RTCA: variants seen among roughly 807,000 people sequenced by gnomAD.
The protein encoded by RTCA is RNA 3'-terminal phosphate cyclase.
Under a neutral mutation model 46.1 loss-of-function variants are expected in RTCA, and 37 were observed. The ratio of observed to expected loss-of-function variants is 0.80; its 90% CI spans 0.62 to 1.06. The LOEUF is 1.06. RTCA is among the 50% of genes least tolerant of loss of function. The probability of loss-of-function intolerance (pLI) is 0.00; values close to 1 mark genes in which losing one functional copy is unlikely to be tolerated. For missense variants in RTCA, 435 were observed against 455.5 expected (o/e 0.95, Z 0.41); for synonymous variants, 164 against 158.3 (o/e 1.04, Z -0.27).
At chr1:100,266,445 G>A (rs367850385) in intron 1 of RTCA, 25 bp downstream of exon 1, 5 of 1,609,146 alleles carry the variant, frequency 3.1e-6, no homozygotes, top group Non-Finnish European at 3.4e-6. Context: ...AAGCGGCCGG[G>A]GCTGCAGCCT....
Position 100,270,571 on chromosome 1 carries a change from T to C in RTCA, c.305T>C (p.Leu102Ser). 6.2e-7 allele frequency: 1 copy of C among 1,614,046 alleles called. No homozygotes were observed. The highest frequency in any genetic ancestry group is 2.2e-5 in the East Asian group (1 of 44,876). ...DTKTAGSVCL[L>S]MQVSMPCVLF... ...CTTCTCCTTAGGAGTGTGTGCCTCT[T>C]GATGCAGGTCTCAATGCCGTGTGTT... The change falls in exon 4 of 11, where the codon TTG (leucine) becomes TCG (serine). Residue 102 changes from leucine to serine, a missense_variant. Physicochemically the swap from Leu to Ser is moderately radical, Grantham distance 145. Transcript: ENST00000370128.
At chr1:100,277,835 C>T (rs1666481777) in intron 8 of RTCA, among the ~76,000 whole-genome samples, 1 of 150,798 alleles carries the variant, frequency 6.6e-6, no homozygotes, top group South Asian at 2.1e-4. Flanking sequence ...TTTCTCAAGT[C>T]TCTTTAGTCC....
intron 8 of RTCA, among the ~76,000 whole-genome samples, chr1:100,278,454 T>C (rs751607965): frequency 1.3e-5 from 2 of 152,222 alleles, no homozygotes; most frequent in Non-Finnish European, 2.9e-5. Flanking sequence ...ATTGCTTTAT[T>C]CCTACTTTGT....
chr1:100,277,376 C>G, intron 8 of RTCA, 60 bp downstream of exon 8: 4 of 1,405,030 alleles, frequency 2.8e-6, no homozygotes, highest in Non-Finnish European at 2.0e-6. Flanking sequence ...TTTAATCCAT[C>G]AGGATTGGAA....
chr1:100,266,735 G>A (rs1665801018), intron 2 of RTCA, 111 bp downstream of exon 2: 10 of 866,322 alleles, frequency 1.2e-5, no homozygotes, highest in Non-Finnish European at 1.6e-5. Context: ...GGTCCCAGAC[G>A]CAGGTATGGG....
intron 8 of RTCA, among the ~76,000 whole-genome samples, chr1:100,283,754 TA>T (rs1341875076): frequency 6.6e-6 from 1 of 151,630 alleles, no homozygotes; most frequent in Non-Finnish European, 1.5e-5. Context: ...ATTGATAATA[TA>T]AAGAGGGTAA....
intron 8 of RTCA, among the ~76,000 whole-genome samples, chr1:100,284,423 C>G (rs1483623128): frequency 6.7e-6 from 1 of 148,162 alleles, no homozygotes; most frequent in Non-Finnish European, 1.5e-5. Context: ...TGGCAGAGTC[C>G]TGCTCTGTCA....
chr1:100,269,098 A>G (rs945147945), intron 3 of RTCA, among the ~76,000 whole-genome samples: 1 of 151,498 alleles, frequency 6.6e-6, no homozygotes, highest in African/African-American at 2.4e-5. Context: ...AGTCCCATCT[A>G]CTTGAGAAGC....
chr1:100,282,763 A>C (rs1187883988), intron 8 of RTCA, among the ~76,000 whole-genome samples: 1 of 152,222 alleles, frequency 6.6e-6, no homozygotes, highest in Non-Finnish European at 1.5e-5. Flanking sequence ...GTTGCCTTCA[A>C]GCTATGTGTG....
At chr1:100,278,036 C>T (rs554954485) in intron 8 of RTCA, among the ~76,000 whole-genome samples, 3 of 152,184 alleles carry the variant, frequency 2.0e-5, no homozygotes, top group African/African-American at 2.4e-5. Context: ...GTACATTCCA[C>T]TGTATCACGG....
chr1:100,266,674 G>T (rs570134524), intron 2 of RTCA, 50 bp downstream of exon 2: 2 of 1,492,054 alleles, frequency 1.3e-6, no homozygotes, highest in African/African-American at 2.8e-5. Flanking sequence ...GGGATCGGGG[G>T]GTCGGGCTGC....
chr1:100,266,274 T>G lies in RTCA; in HGVS notation c.-102T>G. The G allele has an allele frequency of 1.4e-6, 2 of 1,447,022 alleles. No homozygotes were observed. The highest frequency in any genetic ancestry group is 1.2e-5 in the South Asian group (1 of 80,918). The allele number at this position is 1,447,022 out of a possible 1,614,324, so 89.6% of individuals were successfully genotyped here. A position where few individuals can be genotyped will look rare whatever the true frequency, so the allele number is the denominator to read the frequency against. ...TCGTCAGGCTCCTGCGCCCCAGGCA[T>G]GAACCAAGGTTTCTGAACTACTGGG... is the stretch of plus-strand genomic sequence containing the variant. On this transcript the variant is annotated 5_prime_UTR_variant, in exon 1 of 11. It removes an upstream start codon present in the reference 5' UTR. Transcript: ENST00000370128.
intron 7 of RTCA, among the ~76,000 whole-genome samples, chr1:100,276,043 G>T (rs562362685): frequency 6.6e-6 from 1 of 151,938 alleles, no homozygotes; most frequent in East Asian, 2.0e-4. Flanking sequence ...CACCGTGTTA[G>T]CCAGGGTGGT....
At chr1:100,290,825 A>G (rs1414030501) in intron 10 of RTCA, among the ~76,000 whole-genome samples, 1 of 152,168 alleles carries the variant, frequency 6.6e-6, no homozygotes, top group African/African-American at 2.4e-5. Flanking sequence ...TTCAAAGCCA[A>G]CTTTAGTTAC....
Position 100,291,600 on chromosome 1 carries a change from A to C in RTCA, c.*96A>C. ...AGGAAGTAACTTATTAAAGGCTATG[A>C]CTTAAATTTGAAGATGAAGTACAGT... On this transcript the variant is annotated 3_prime_UTR_variant, in exon 11 of 11. Transcript: ENST00000370128. 3.9e-6 allele frequency: 3 copies of C among 776,520 alleles called. No individual in the cohort carries two copies. Among genetic ancestry groups the C allele is most frequent in the Non-Finnish European group, 6.3e-6 (3 of 479,824 alleles). 48.1% of individuals were successfully genotyped at this position (776,520 alleles called of 1,614,324 possible). A position where few individuals can be genotyped will look rare whatever the true frequency, so the allele number is the denominator to read the frequency against.
At position 100,270,751 on chromosome 1, in the gene RTCA, A is replaced by G. The variant is rs1055080973; in HGVS notation, c.414+71A>G. ...TTCTGAGTCTCCATTCTCTAAATATATCCTGAGTGTTTTTTTGTGACTTTC... is the reference window on the plus strand; with the variant it reads ...TTCTGAGTCTCCATTCTCTAAATATGTCCTGAGTGTTTTTTTGTGACTTTC... On this transcript the variant is annotated intron_variant, in intron 4 of 10. Transcript: ENST00000370128. 3.3e-6 allele frequency: 5 copies of G among 1,520,382 alleles called. No individual in the cohort carries two copies. In the African/African-American group the frequency reaches 7.0e-5, roughly 21 times the overall value. 94.2% of individuals were successfully genotyped at this position (1,520,382 alleles called of 1,614,324 possible).
intron 4 of RTCA, among the ~76,000 whole-genome samples, chr1:100,273,102 G>A (rs1205435607): frequency 1.3e-5 from 2 of 152,170 alleles, no homozygotes; most frequent in African/African-American, 4.8e-5. Flanking sequence ...AGATGCGTGA[G>A]GAAGTATTGG....
chr1:100,270,620 A>G lies in RTCA; in HGVS notation c.354A>G (p.Glu118=). ...TTCTCTTTGCTGCTTCTCCATCAGA[A>G]CTTCATTTGAAAGGTGGAACTAATG... ...PCVLFAASPS[E]LHLKGGTNAE... Residue 118 remains glutamate, a synonymous_variant, in exon 4 of 11, where the codon GAA becomes GAG. Coordinates refer to ENST00000370128, the MANE Select transcript of RTCA (RefSeq NM_003729.4). The G allele has an allele frequency of 6.2e-7, 1 of 1,614,150 alleles. No homozygotes were observed. Among genetic ancestry groups the G allele is most frequent in the Non-Finnish European group, 8.5e-7 (1 of 1,180,010 alleles).
At chr1:100,291,111 A>G (rs1156321339) in intron 10 of RTCA, among the ~76,000 whole-genome samples, 1 of 152,230 alleles carries the variant, frequency 6.6e-6, no homozygotes, top group Non-Finnish European at 1.5e-5. Flanking sequence ...TATTTGCCTA[A>G]GCTGTACATC....
Sources: gnomAD v4.1 joint callset for allele counts (sites outside exome capture counted in the v4.1 genomes callset) on GRCh38, gnomAD v4.1.1 for gene constraint, MANE v1.5 for transcripts, NCBI Gene and HGNC (gene_info 2026-07-23, HGNC 2026-07-21) for gene names.